TMLHE: variants seen among roughly 807,000 people sequenced by gnomAD.
TMLHE encodes the protein trimethyllysine hydroxylase, epsilon.
In TMLHE, 18 loss-of-function variants were observed where a neutral mutation model predicts 25.7. The ratio of observed to expected loss-of-function variants is 0.70; its 90% CI spans 0.48 to 1.04. The LOEUF (loss-of-function observed/expected upper bound fraction) is 1.04. Ranked by LOEUF, TMLHE falls within the 50% of genes least tolerant of loss-of-function variation. The pLI is 0.00. For missense variants in TMLHE, 236 were observed against 259.0 expected (o/e 0.91, Z 0.61); for synonymous variants, 105 against 97.0 (o/e 1.08, Z -0.49).
intron 1 of TMLHE, among the ~76,000 whole-genome samples, chrX:155,610,637 G>C (rs782396546): frequency 5.4e-5 from 6 of 110,500 alleles, no homozygotes; most frequent in African/African-American, 2.0e-4. Flanking sequence ...TGAGAGTCGA[G>C]GGTCATGCAA....
chrX:155,556,319 AC>A (rs2067454829), intron 1 of TMLHE, among the ~76,000 whole-genome samples: 1 of 111,598 alleles, frequency 9.0e-6, no homozygotes, highest in African/African-American at 3.3e-5. Context: ...CCACACCTGG[AC>A]TTCTGTCCTA....
chrX:155,583,027 C>A (rs1187882433), intron 1 of TMLHE, among the ~76,000 whole-genome samples: 3 of 111,431 alleles, frequency 2.7e-5, no homozygotes, highest in Non-Finnish European at 5.6e-5. Flanking sequence ...TTGTAGGGAC[C>A]TGGATGAAGC....
chrX:155,548,696 C>T lies in TMLHE; in HGVS notation c.-1-3419G>A, dbSNP rs931394676. 4.4e-4 allele frequency among the ~76,000 whole-genome samples: 47 copies of T among 107,221 alleles called. 1 individual carries two copies. Among genetic ancestry groups the T allele is most frequent in the African/African-American group, 1.3e-3 (38 of 28,842 alleles). The allele number at this position is 107,221 out of a possible 115,157, so 93.1% of individuals were successfully genotyped here. ...GTTGCAGTGAGCTGAGATTGTGCCA[C>T]TGCACTCCAGCCTGGGCGACAGAGT... On this transcript the variant is annotated intron_variant, in intron 1 of 7. Transcript: ENST00000334398.
At chrX:155,547,557 C>G (rs184721691) in intron 1 of TMLHE, among the ~76,000 whole-genome samples, 9 of 111,621 alleles carry the variant, frequency 8.1e-5, no homozygotes, top group East Asian at 5.6e-4. Flanking sequence ...AGGGTGATAA[C>G]TACTACTATT....
At chrX:155,506,819 A>C in intron 6 of TMLHE, 79 bp downstream of exon 6, 1 of 800,367 alleles carries the variant, frequency 1.2e-6, no homozygotes, top group Non-Finnish European at 1.9e-6. Flanking sequence ...AGATATAAGA[A>C]TCTTAGGGAT....
At chrX:155,535,522 C>T (rs2067273650) in intron 2 of TMLHE, among the ~76,000 whole-genome samples, 1 of 112,150 alleles carries the variant, frequency 8.9e-6, no homozygotes, top group Non-Finnish European at 1.9e-5. Context: ...GTTCCATCTT[C>T]AAGTACCATC....
At chrX:155,546,471 A>C (rs907247719) in intron 1 of TMLHE, among the ~76,000 whole-genome samples, 1 of 111,347 alleles carries the variant, frequency 9.0e-6, no homozygotes, top group Non-Finnish European at 1.9e-5. Context: ...CAGTAGTGTA[A>C]TTAAACCCAC....
At chrX:155,548,530 A>C (rs782777712) in intron 1 of TMLHE, among the ~76,000 whole-genome samples, 8 of 107,998 alleles carry the variant, frequency 7.4e-5, no homozygotes, top group African/African-American at 1.1e-4. Flanking sequence ...GGTCAGCAGT[A>C]TGAGGCCAGC....
intron 1 of TMLHE, among the ~76,000 whole-genome samples, chrX:155,553,599 T>C (rs1375495328): frequency 1.8e-5 from 2 of 110,333 alleles, no homozygotes; most frequent in Non-Finnish European, 3.8e-5. Context: ...GATTTTGTAT[T>C]TTTTAACCAT....
chrX:155,575,502 G>T (rs978836060), intron 1 of TMLHE, among the ~76,000 whole-genome samples: 10 of 111,660 alleles, frequency 9.0e-5, no homozygotes, highest in Non-Finnish European at 1.5e-4. Flanking sequence ...CACATCCAAG[G>T]ATCTCAACGC....
chrX:155,536,597 C>T (rs2067280371), intron 2 of TMLHE, among the ~76,000 whole-genome samples: 1 of 111,532 alleles, frequency 9.0e-6, no homozygotes, highest in South Asian at 3.7e-4. Flanking sequence ...TAACTTTTCT[C>T]CTTGAAATCA....
At position 155,559,509 on chromosome X, in the gene TMLHE, G is replaced by C. The variant is rs782435882; in HGVS notation, c.-1-14232C>G. 4.6e-4 allele frequency among the ~76,000 whole-genome samples: 51 copies of C among 111,475 alleles called. 2 individuals carry two copies. The highest frequency in any genetic ancestry group is 1.1e-4 in the Non-Finnish European group (6 of 52,974). On this transcript the variant is annotated intron_variant, in intron 1 of 7. Transcript: ENST00000334398. ...TTTTGAGAGCTTCCCAACCTTTAGA[G>C]TCTAAAGCCATCGTAATGTAAATTA... is the stretch of plus-strand genomic sequence containing the variant.
At chrX:155,593,989 G>C (rs1399433265) in intron 1 of TMLHE, among the ~76,000 whole-genome samples, 1 of 111,019 alleles carries the variant, frequency 9.0e-6, no homozygotes, top group East Asian at 2.8e-4. Context: ...ACATGAAGAA[G>C]AACAGAGAGG....
At chrX:155,595,184 A>G (rs1557346399) in intron 1 of TMLHE, among the ~76,000 whole-genome samples, 1 of 112,095 alleles carries the variant, frequency 8.9e-6, no homozygotes, top group African/African-American at 3.2e-5. Flanking sequence ...AAGATGCAGT[A>G]TTAAATCATA....
Position 155,549,018 on chromosome X carries a change from C to CA in TMLHE, c.-1-3742dup, listed in dbSNP as rs782450018. On this transcript the variant is annotated intron_variant, in intron 1 of 7. Transcript: ENST00000334398. ...TCCTAAGTGATTTCTTGTGCTATTA[C>CA]AAGCAGCATTTTAAAATTTCAATTT... is the stretch of plus-strand genomic sequence containing the variant. 2.4e-3 allele frequency among the ~76,000 whole-genome samples: 265 copies of CA among 110,918 alleles called. 6 individuals are homozygous for CA. Among genetic ancestry groups the CA allele is most frequent in the African/African-American group, 8.5e-3 (256 of 30,098 alleles).
intron 1 of TMLHE, among the ~76,000 whole-genome samples, chrX:155,559,210 G>C (rs1371466353): frequency 1.8e-5 from 2 of 111,147 alleles, no homozygotes; most frequent in African/African-American, 3.3e-5. Flanking sequence ...CTTTCTGAGA[G>C]TATAGTTAAA....
intron 1 of TMLHE, among the ~76,000 whole-genome samples, chrX:155,590,218 A>C (rs1301824407): frequency 7.1e-5 from 8 of 112,195 alleles, no homozygotes; most frequent in African/African-American, 2.6e-4. Flanking sequence ...AACTGATCTA[A>C]AAGACAATTG....
chrX:155,556,619 C>T (rs1305280832), intron 1 of TMLHE, among the ~76,000 whole-genome samples: 29 of 108,999 alleles, frequency 2.7e-4, no homozygotes, highest in African/African-American at 8.6e-4. Context: ...GGAGGCAGGG[C>T]GAGATCACAG....
intron 2 of TMLHE, among the ~76,000 whole-genome samples, chrX:155,530,223 G>A (rs1033857116): frequency 1.7e-4 from 19 of 111,748 alleles, no homozygotes; most frequent in African/African-American, 5.5e-4. Flanking sequence ...TATAGACAAT[G>A]GAATATTATT....
Sources: allele counts gnomAD v4.1 joint callset (sites outside exome capture counted in the v4.1 genomes callset), GRCh38; gene constraint gnomAD v4.1.1; transcripts MANE v1.5; gene names NCBI Gene and HGNC (gene_info 2026-07-23, HGNC 2026-07-21).